DDX60: variants seen among roughly 807,000 people sequenced by gnomAD.
DDX60 encodes probable ATP-dependent RNA helicase DDX60.
A neutral mutation model predicts 212.8 loss-of-function variants in DDX60; 165 were observed. That is an observed-to-expected ratio of 0.78 (90% CI 0.68 to 0.88). DDX60 has a LOEUF of 0.88. Among genes scored for constraint, DDX60 ranks in the 40% least tolerant of loss-of-function variants. DDX60 has a pLI of 0.00. For missense variants in DDX60, 1,905 were observed against 2,003.9 expected (o/e 0.95, Z 0.94); for synonymous variants, 703 against 685.3 (o/e 1.03, Z -0.40).
intron 14 of DDX60, among the ~76,000 whole-genome samples, chr4:168,276,611 T>C (rs491323): frequency 0.034 from 5,142 of 152,308 alleles, 167 homozygotes; most frequent in African/African-American, 0.084. Flanking sequence ...GGTGTACTCA[T>C]TGGAGCCCTT....
chr4:168,292,171 C>T (rs1736142153), intron 7 of DDX60, among the ~76,000 whole-genome samples: 1 of 151,684 alleles, frequency 6.6e-6, no homozygotes, highest in Non-Finnish European at 1.5e-5. Context: ...CCTCAGCCTC[C>T]CGAGTAGCTG....
chr4:168,250,340 G>A (rs959771861), intron 28 of DDX60, among the ~76,000 whole-genome samples: 3 of 151,820 alleles, frequency 2.0e-5, no homozygotes, highest in Non-Finnish European at 4.4e-5. Context: ...TCAGGAGTTC[G>A]AGACCAGCCT....
At chr4:168,273,470 T>C (rs2149520126) in intron 17 of DDX60, 72 bp from the exon 18 acceptor site, 2 of 1,573,148 alleles carry the variant, frequency 1.3e-6, no homozygotes. Flanking sequence ...CAACAAGAAC[T>C]GTCTAAAAGT....
chr4:168,310,031 C>T (rs569693519), intron 3 of DDX60, among the ~76,000 whole-genome samples: 1 of 152,274 alleles, frequency 6.6e-6, no homozygotes, highest in South Asian at 2.1e-4. Context: ...ACAAAAAGTC[C>T]TGGACAATGA....
Position 168,246,542 on chromosome 4 carries a change from A to G in DDX60, c.4040T>C (p.Ile1347Thr). The G allele has an allele frequency of 1.2e-6, 2 of 1,614,058 alleles. No individual in the cohort carries two copies. Among genetic ancestry groups the G allele is most frequent in the Non-Finnish European group, 1.7e-6 (2 of 1,179,988 alleles). ...AACATTGGATTTTATGAGTTTTCCT[A>G]TTTTGGGGAATGGAATATCAAAGAA... Reference protein sequence around the residue: ...VYFFDIPFPKIGKLIKSNVPE... With the variant: ...VYFFDIPFPKTGKLIKSNVPE... Residue 1347 changes from isoleucine to threonine, a missense_variant, in exon 30 of 38, where the codon ATA becomes ACA. Transcript: ENST00000393743.
At chr4:168,272,195 T>C in intron 18 of DDX60, 57 bp from the exon 19 acceptor site, 1 of 1,355,600 alleles carries the variant, frequency 7.4e-7, no homozygotes, top group South Asian at 1.3e-5. Flanking sequence ...TGTGTTGACA[T>C]ATTTACAGGA....
intron 1 of DDX60, among the ~76,000 whole-genome samples, chr4:168,315,076 T>G (rs572412393): frequency 6.6e-6 from 1 of 152,238 alleles, no homozygotes; most frequent in African/African-American, 2.4e-5. Context: ...TGAAATATAC[T>G]ATAGTTCTAT....
chr4:168,276,172 G>T lies in DDX60; in HGVS notation c.1988C>A (p.Thr663Lys), dbSNP rs140225120. Residue 663 changes from threonine (T) to lysine (K), a missense_variant, in exon 15 of 38, where the codon ACG becomes AAG. Physicochemically the swap from Thr to Lys is moderately conservative, Grantham distance 78. Transcript: ENST00000393743. Reference protein sequence around the residue: ...EHCRSEEGKTTKDLSIAVQVM... With the variant: ...EHCRSEEGKTKKDLSIAVQVM... ...CTGAACAGCTATACTTAAATCTTTC[G>T]TGGTTTTACCTTGATAAACAATAAA... The T allele has an allele frequency of 6.2e-7, 1 of 1,602,108 alleles. No homozygotes were observed. Among genetic ancestry groups the T allele is most frequent in the African/African-American group, 1.3e-5 (1 of 74,590 alleles).
Position 168,255,714 on chromosome 4 carries a change from A to T in DDX60, c.3554T>A (p.Ile1185Asn). The change falls in exon 26 of 38, where the codon ATC (isoleucine) becomes AAC (asparagine). Residue 1185 changes from isoleucine to asparagine, a missense_variant. Physicochemically the swap from Ile to Asn is moderately radical, Grantham distance 149. Transcript: ENST00000393743. ...ATTTGTTTAGTTAACTACTTACATG[A>T]TCTTTTGTTTCTCTATGGATTTTTT... is the stretch of plus-strand genomic sequence containing the variant. ...KVKKSIEKQK[I>N]IDEKSQKKTR... 6.3e-7 allele frequency: 1 copy of T among 1,584,310 alleles called. No individual in the cohort carries two copies. Among genetic ancestry groups the T allele is most frequent in the East Asian group, 2.3e-5 (1 of 44,440 alleles).
intron 29 of DDX60, among the ~76,000 whole-genome samples, chr4:168,247,267 T>G (rs1734055010): frequency 6.6e-6 from 1 of 152,130 alleles, no homozygotes; most frequent in South Asian, 2.1e-4. Context: ...CCCTGACATT[T>G]CAATTCCCAA....
At position 168,293,899 on chromosome 4, in the gene DDX60, G is replaced by T. The variant is rs1736224359; in HGVS notation, c.770C>A (p.Ser257Tyr). The stretch of plus-strand genomic sequence containing the variant: ...AACACAAAAGACACGCCGAATGTCA[G>T]ATCCTTCTGGCCAGACTTGTGTAAG... ...SLLTQVWPEG[S>Y]DIRRVFCVTS... The change falls in exon 7 of 38, where the codon TCT (serine) becomes TAT (tyrosine). Residue 257 changes from serine to tyrosine, a missense_variant. Transcript: ENST00000393743. 1 of 1,614,038 alleles carries T rather than the reference G, an allele frequency of 6.2e-7. No individual in the cohort carries two copies.
At chr4:168,300,281 C>T (rs1395486387) in intron 6 of DDX60, among the ~76,000 whole-genome samples, 1 of 152,022 alleles carries the variant, frequency 6.6e-6, no homozygotes, top group African/African-American at 2.4e-5. Flanking sequence ...GTGGCTCACA[C>T]CTGTAATCCC....
In DDX60 at chr4:168,261,490, G is replaced by A. The variant is rs572896728; in HGVS notation, c.3274-501C>T. The stretch of plus-strand genomic sequence containing the variant: ...TCTAATATATGTCATTCCTCAATCT[G>A]TGCCAATAAATCAAATTTCAAAATA... On this transcript the variant is annotated intron_variant, in intron 24 of 37. Coordinates refer to ENST00000393743, the MANE Select transcript of DDX60 (RefSeq NM_017631.6). Among the ~76,000 whole-genome samples the A allele has an allele frequency of 2.6e-5, 4 of 152,202 alleles. No homozygotes were observed. In the South Asian group the frequency reaches 8.3e-4, roughly 32 times the overall value.
At chr4:168,319,655 A>G (rs1737553818), upstream of DDX60, among the ~76,000 whole-genome samples, 1 of 152,170 alleles carries the variant, frequency 6.6e-6, no homozygotes, top group East Asian at 1.9e-4. Flanking sequence ...TTCGATACTC[A>G]TCTCCTTTCC....
intron 22 of DDX60, among the ~76,000 whole-genome samples, chr4:168,263,199 G>T (rs1287924447): frequency 1.2e-4 from 19 of 152,080 alleles, no homozygotes; most frequent in Non-Finnish European, 2.5e-4. Context: ...GCTAAAATGG[G>T]AAAATCTTAT....
chr4:168,324,331 T>C, the DDX60 span, among the ~76,000 whole-genome samples: 98 of 150,610 alleles, frequency 6.5e-4, no homozygotes, highest in African/African-American at 2.3e-3. Context: ...AAGGGCAATA[T>C]TTTGTATCAG....
chr4:168,251,355 G>A (rs1257780244), intron 27 of DDX60, among the ~76,000 whole-genome samples: 1 of 152,206 alleles, frequency 6.6e-6, no homozygotes, highest in Non-Finnish European at 1.5e-5. Flanking sequence ...TGACAAAGTA[G>A]CAGATAAAAC....
chr4:168,218,912 C>T (rs80084176), intron 37 of DDX60, among the ~76,000 whole-genome samples: 3,041 of 152,202 alleles, frequency 0.02, 120 homozygotes, highest in African/African-American at 0.069. Context: ...ATAGCTCTGA[C>T]CATGTTTGTA....
At chr4:168,280,713 G>A (rs2149525720) in intron 13 of DDX60, 123 bp from the exon 14 acceptor site, 5 of 1,126,894 alleles carry the variant, frequency 4.4e-6, no homozygotes, top group Admixed American at 3.0e-5. Flanking sequence ...TTGAGTAGAT[G>A]TGAAAAATTT....
Sources: gnomAD v4.1 joint callset for allele counts (sites outside exome capture counted in the v4.1 genomes callset) on GRCh38, gnomAD v4.1.1 for gene constraint, MANE v1.5 for transcripts, NCBI Gene and HGNC (gene_info 2026-07-23, HGNC 2026-07-21) for gene names.